HDGFL2: variants seen among roughly 807,000 people sequenced by gnomAD.
The protein encoded by HDGFL2 is hepatoma-derived growth factor-related protein 2.
A neutral mutation model predicts 77.1 loss-of-function variants in HDGFL2; 36 were observed. The observed-to-expected ratio is 0.47, with a 90% CI of 0.36 to 0.62. The LOEUF (loss-of-function observed/expected upper bound fraction) is 0.62, where lower values mean the gene tolerates loss of function less well. Among genes scored for constraint, HDGFL2 ranks in the 20% least tolerant of loss-of-function variants. The pLI, the probability that HDGFL2 is intolerant of heterozygous loss-of-function variation, is 0.00. For missense variants in HDGFL2, 976 were observed against 973.4 expected (o/e 1.00, Z -0.04); for synonymous variants, 463 against 413.1 (o/e 1.12, Z -1.46).
chr19:4,474,617 G>A (rs1975024487), intron 1 of HDGFL2, among the ~76,000 whole-genome samples: 1 of 152,244 alleles, frequency 6.6e-6, no homozygotes, highest in South Asian at 2.1e-4. Context: ...GGAGACCAGA[G>A]CAATGCAACT....
chr19:4,494,078 C>A, intron 8 of HDGFL2, 21 bp downstream of exon 8: 2 of 1,575,770 alleles, frequency 1.3e-6, no homozygotes. Context: ...GGGCTGGGGT[C>A]CCCTCTGGCG....
chr19:4,490,207 C>A (rs1476911574), intron 4 of HDGFL2, among the ~76,000 whole-genome samples: 1 of 152,194 alleles, frequency 6.6e-6, no homozygotes, highest in Non-Finnish European at 1.5e-5. Flanking sequence ...TTTGCCTCAG[C>A]CTCCTGAGTA....
At chr19:4,472,456 G>GT (rs1387320259) in intron 1 of HDGFL2, 34 bp downstream of exon 1, 28 of 463,738 alleles carry the variant, frequency 6.0e-5, no homozygotes, top group Middle Eastern at 1.1e-3. Flanking sequence ...CCGGTGGGGG[G>GT]GGGGGGGGGG....
At chr19:4,497,727 A>G (rs1975744388) in intron 10 of HDGFL2, 2 of 553,868 alleles carry the variant, frequency 3.6e-6, no homozygotes, top group Non-Finnish European at 6.4e-6. Context: ...GGATTTCATG[A>G]GAACTCGGGA....
At chr19:4,472,766 G>T in intron 1 of HDGFL2, among the ~76,000 whole-genome samples, 1 of 150,578 alleles carries the variant, frequency 6.6e-6, no homozygotes, top group East Asian at 2.0e-4. Context: ...TGGTCTGGTG[G>T]TGTTCGGATC....
At chr19:4,478,330 G>A (rs958545202) in intron 3 of HDGFL2, among the ~76,000 whole-genome samples, 3 of 151,162 alleles carry the variant, frequency 2.0e-5, no homozygotes, top group Non-Finnish European at 4.4e-5. Context: ...AGCCTCCCGA[G>A]TAGCTGGGAC....
At chr19:4,476,931 G>C (rs757870267) in intron 3 of HDGFL2, among the ~76,000 whole-genome samples, 7 of 151,836 alleles carry the variant, frequency 4.6e-5, no homozygotes, top group Admixed American at 1.3e-4. Flanking sequence ...AGCTGGGGGG[G>C]CATGAATTTG....
chr19:4,481,286 A>G (rs7256481), intron 3 of HDGFL2, among the ~76,000 whole-genome samples: 143,398 of 145,902 alleles, frequency 0.98, 70,452 homozygotes, highest in South Asian at 0.99. Flanking sequence ...CACCTCCTTG[A>G]TTCATGCTAT....
chr19:4,498,502 C>T, intron 12 of HDGFL2, 126 bp downstream of exon 12: 3 of 774,752 alleles, frequency 3.9e-6, no homozygotes, highest in South Asian at 1.6e-5. Flanking sequence ...GGAGTCTGTT[C>T]CGGTTGCTAG....
In HDGFL2 at chr19:4,490,067, C is replaced by T. The variant is rs148613716; in HGVS notation, c.489+1191C>T. ...CCTCAGGGTGCATCCGCACTGCAGC[C>T]CGGGTCAGCTCCATTCGTTTCATTT... On this transcript the variant is annotated intron_variant, in intron 4 of 15. Coordinates refer to ENST00000616600, the MANE Select transcript of HDGFL2 (RefSeq NM_001001520.3). 2.4e-3 allele frequency among the ~76,000 whole-genome samples: 360 copies of T among 152,252 alleles called. 1 individual carries two copies. The highest frequency in any genetic ancestry group is 8.0e-3 in the African/African-American group (331 of 41,562).
intron 1 of HDGFL2, among the ~76,000 whole-genome samples, chr19:4,473,134 G>A (rs1974988445): frequency 6.6e-6 from 1 of 150,856 alleles, no homozygotes; most frequent in Non-Finnish European, 1.5e-5. Flanking sequence ...GCGGTGCCCT[G>A]GGGGTCTGGG....
chr19:4,477,376 G>A (rs187469240), intron 3 of HDGFL2, among the ~76,000 whole-genome samples: 16 of 152,306 alleles, frequency 1.1e-4, no homozygotes, highest in African/African-American at 3.4e-4. Flanking sequence ...GGGGCCCACC[G>A]ATGTTGCATG....
rs1232166956 is a variant in HDGFL2 at position 4,472,302 on chromosome 19, C to T, written c.-49C>T. The T allele has an allele frequency of 2.2e-6, 3 of 1,394,412 alleles. No individual in the cohort carries two copies. Among genetic ancestry groups the T allele is most frequent in the Non-Finnish European group, 2.8e-6 (3 of 1,061,008 alleles). 86.4% of individuals were successfully genotyped at this position (1,394,412 alleles called of 1,614,324 possible). A position where few individuals can be genotyped will look rare whatever the true frequency, so the allele number is the denominator to read the frequency against. The stretch of plus-strand genomic sequence containing the variant: ...GCCGCCGCCGCCGCCGCCGCAGCCG[C>T]TACCGCCGCTGCAGCCGCTTTCCGC... On this transcript the variant is annotated 5_prime_UTR_variant, in exon 1 of 16. Coordinates refer to ENST00000616600, the MANE Select transcript of HDGFL2 (RefSeq NM_001001520.3).
At chr19:4,475,392 C>T (rs971851505) in intron 2 of HDGFL2, 41 bp downstream of exon 2, 2 of 1,613,892 alleles carry the variant, frequency 1.2e-6, no homozygotes, top group Admixed American at 1.7e-5. Flanking sequence ...TCCTCTGGTG[C>T]CTCCCGGGGT....
intron 3 of HDGFL2, among the ~76,000 whole-genome samples, chr19:4,481,270 A>C (rs1400849039): frequency 6.8e-6 from 1 of 146,048 alleles, no homozygotes; most frequent in Non-Finnish European, 1.5e-5. Context: ...GGCTCACTGC[A>C]ACCTCCACCT....
chr19:4,497,257 G>A, intron 10 of HDGFL2: 2 of 419,396 alleles, frequency 4.8e-6, no homozygotes, highest in Non-Finnish European at 4.7e-6. Flanking sequence ...GAGTGCAGTG[G>A]CGCCATCTCA....
At chr19:4,497,448 C>T (rs560855480) in intron 10 of HDGFL2, 23 of 290,370 alleles carry the variant, frequency 7.9e-5, no homozygotes, top group African/African-American at 2.7e-4. Context: ...CCCCCCGCCT[C>T]GGCCTCCCAA....
rs1295616854 is a variant in HDGFL2, at chr19:4,501,915, G to T, written c.1921G>T (p.Val641Leu). The change falls in exon 16 of 16, where the codon GTA (valine) becomes TTA (leucine). Residue 641 changes from valine to leucine, a missense_variant. Around this residue, in one of 5 missense-constraint regions of HDGFL2, gnomAD observed 229 missense variants for 187.3 expected, o/e 1.22. Coordinates refer to ENST00000616600, the MANE Select transcript of HDGFL2 (RefSeq NM_001001520.3). ...CGSSEDLHDS[V>L]REGPDLDRPG... The stretch of plus-strand genomic sequence containing the variant: ...CGCCTTTGCTGTTCCCACCAGCAGC[G>T]TACGGGAGGGTCCCGACCTGGACAG... The T allele has an allele frequency of 6.1e-6, 9 of 1,465,564 alleles. No individual in the cohort carries two copies. Among genetic ancestry groups the T allele is most frequent in the Non-Finnish European group, 7.2e-6 (8 of 1,113,554 alleles). 90.8% of individuals were successfully genotyped at this position (1,465,564 alleles called of 1,614,324 possible). A position where few individuals can be genotyped will look rare whatever the true frequency, so the allele number is the denominator to read the frequency against.
At chr19:4,495,833 C>G (rs1975687372) in intron 9 of HDGFL2, among the ~76,000 whole-genome samples, 1 of 152,104 alleles carries the variant, frequency 6.6e-6, no homozygotes, top group South Asian at 2.1e-4. Context: ...GTGCTGCGGG[C>G]CCTGTCACGC....
Sources: allele counts gnomAD v4.1 joint callset (sites outside exome capture counted in the v4.1 genomes callset), GRCh38; gene constraint gnomAD v4.1.1; regional missense constraint gnomAD v4.1.1; transcripts MANE v1.5; gene names NCBI Gene and HGNC (gene_info 2026-07-23, HGNC 2026-07-21).